DIXDC1: variants seen among roughly 807,000 people sequenced by gnomAD.
The protein encoded by DIXDC1 is DIX domain containing 1.
Under a neutral mutation model 103.1 loss-of-function variants are expected in DIXDC1, and 64 were observed. The observed-to-expected ratio is 0.62, with a 90% CI of 0.51 to 0.76. The LOEUF is 0.76. DIXDC1 is among the 30% of genes least tolerant of loss of function. DIXDC1 has a pLI of 0.00. For missense variants in DIXDC1, 759 were observed against 834.2 expected (o/e 0.91, Z 1.11); for synonymous variants, 266 against 298.5 (o/e 0.89, Z 1.12).
chr11:111,940,817 C>T (rs1305855667), intron 1 of DIXDC1, among the ~76,000 whole-genome samples: 4 of 152,154 alleles, frequency 2.6e-5, no homozygotes, highest in Non-Finnish European at 5.9e-5. Flanking sequence ...TTTCCCTGCT[C>T]GTCTGGTACA....
At chr11:111,994,880 A>G (rs1860837716) in intron 14 of DIXDC1, 139 bp from the exon 15 acceptor site, 1 of 798,426 alleles carries the variant, frequency 1.3e-6, no homozygotes, top group Non-Finnish European at 1.9e-6. Flanking sequence ...TAAGAAAGAT[A>G]CATTCTAATA....
At chr11:111,961,906 C>G (rs1039896161) in intron 1 of DIXDC1, among the ~76,000 whole-genome samples, 2 of 152,230 alleles carry the variant, frequency 1.3e-5, no homozygotes, top group Non-Finnish European at 2.9e-5. Context: ...CCTTTGAGCT[C>G]ACTGTCCTCT....
chr11:112,013,321 T>TGGGGGGGGGGGGGGGGGGGGG (rs1403269609), intron 17 of DIXDC1, among the ~76,000 whole-genome samples: 15 of 35,698 alleles, frequency 4.2e-4, no homozygotes, highest in African/African-American at 7.8e-4. Flanking sequence ...GGTCGGGGGG[T>TGGGGGGGGGGGGGGGGGGGGG]GGGGGTGGGG....
At chr11:111,948,278 C>T (rs1486321120) in intron 1 of DIXDC1, among the ~76,000 whole-genome samples, 2 of 152,220 alleles carry the variant, frequency 1.3e-5, no homozygotes, top group Non-Finnish European at 2.9e-5. Flanking sequence ...CCAGTTTTCA[C>T]GGTCCTACAT....
At position 112,020,317 on chromosome 11, in the gene DIXDC1, G is replaced by A. The variant is rs1861719002; in HGVS notation, c.*1281G>A. On this transcript the variant is annotated 3_prime_UTR_variant, in exon 20 of 20. Transcript: ENST00000440460. The stretch of plus-strand genomic sequence containing the variant: ...CTGCCTGTGACCTCCAATGTACACT[G>A]CCAAACACAAGAGTAGGACACATCT... 1 of 152,606 alleles carries A rather than the reference G, an allele frequency of 6.6e-6. No homozygotes were observed. The highest frequency in any genetic ancestry group is 1.5e-5 in the Non-Finnish European group (1 of 68,042). 9.5% of individuals were successfully genotyped at this position (152,606 alleles called of 1,614,324 possible).
intron 14 of DIXDC1, 121 bp from the exon 15 acceptor site, chr11:111,994,898 C>T (rs1246589838): frequency 1.1e-6 from 1 of 913,278 alleles, no homozygotes; most frequent in Non-Finnish European, 1.7e-6. Context: ...ATAAAGAGAG[C>T]CATTAAACAG....
intron 17 of DIXDC1, among the ~76,000 whole-genome samples, chr11:112,007,859 A>C (rs1311011930): frequency 2.6e-5 from 4 of 151,958 alleles, no homozygotes; most frequent in Admixed American, 2.6e-4. Context: ...AAACATGCCA[A>C]ATTGTCAAGA....
At chr11:111,994,545 A>G (rs1328935855) in intron 14 of DIXDC1, among the ~76,000 whole-genome samples, 2 of 151,254 alleles carry the variant, frequency 1.3e-5, no homozygotes, top group Non-Finnish European at 2.9e-5. Context: ...GTGTATATGT[A>G]TATGTATGTA....
chr11:111,985,294 A>T lies in DIXDC1; in HGVS notation c.981A>T (p.Glu327Asp). The change falls in exon 8 of 20, where the codon GAA becomes GAT. Residue 327 changes from glutamate (E) to aspartate (D), a missense_variant. Glu to Asp is a conservative substitution (Grantham distance 45). Around this residue, in one of 3 missense-constraint regions of DIXDC1, gnomAD observed 657 missense variants for 727.5 expected, o/e 0.90. Coordinates refer to ENST00000440460, the MANE Select transcript of DIXDC1 (RefSeq NM_001037954.4). ...AGGAGAGGCCCTTGGCCCTCTGTGA[A>T]CCAGGTGTCAATCCCGAGGAACAAC... Reference protein sequence around the residue: ...DEQERPLALCEPGVNPEEQLI... With the variant: ...DEQERPLALCDPGVNPEEQLI... 6.2e-7 allele frequency: 1 copy of T among 1,613,376 alleles called. No individual in the cohort carries two copies. Among genetic ancestry groups the T allele is most frequent in the Non-Finnish European group, 8.5e-7 (1 of 1,179,706 alleles).
chr11:111,944,368 C>T (rs782330175), intron 1 of DIXDC1, among the ~76,000 whole-genome samples: 3 of 152,212 alleles, frequency 2.0e-5, no homozygotes, highest in Non-Finnish European at 4.4e-5. Context: ...ATACCACATA[C>T]TTCCCTGGTG....
Position 112,016,675 on chromosome 11 carries a change from CTCTT to C in DIXDC1, c.1757-12_1757-9del, listed in dbSNP as rs1861599873. The C allele has an allele frequency of 6.3e-7, 1 of 1,575,816 alleles. No individual in the cohort carries two copies. Among genetic ancestry groups the C allele is most frequent in the African/African-American group, 1.4e-5 (1 of 73,472 alleles). ...AGCAAATGAATGTTCTAACCACAGTCTCTTTCTGATTGTAGAGTTGCCTCACTCA... is the reference window on the plus strand; with the variant it reads ...AGCAAATGAATGTTCTAACCACAGTCTCTGATTGTAGAGTTGCCTCACTCA... On this transcript the variant is annotated splice_polypyrimidine_tract_variant and intron_variant, in intron 17 of 19. Transcript: ENST00000440460.
At chr11:111,951,444 A>G (rs1171182216) in intron 1 of DIXDC1, among the ~76,000 whole-genome samples, 1 of 152,222 alleles carries the variant, frequency 6.6e-6, no homozygotes, top group Non-Finnish European at 1.5e-5. Flanking sequence ...TAAAAAAAGA[A>G]AATGAAGACT....
At chr11:112,014,506 AG>A (rs1296714191) in intron 17 of DIXDC1, among the ~76,000 whole-genome samples, 2 of 152,182 alleles carry the variant, frequency 1.3e-5, no homozygotes, top group Non-Finnish European at 2.9e-5. Context: ...GATTTTTAAA[AG>A]GTGCTTTTAA....
At chr11:111,981,265 G>C (rs782240623) in intron 6 of DIXDC1, among the ~76,000 whole-genome samples, 11 of 152,148 alleles carry the variant, frequency 7.2e-5, no homozygotes, top group Non-Finnish European at 1.6e-4. Context: ...ATAGAGAGCA[G>C]GTCTATATCA....
At chr11:112,000,628 C>T (rs1420557490) in intron 17 of DIXDC1, among the ~76,000 whole-genome samples, 3 of 149,080 alleles carry the variant, frequency 2.0e-5, no homozygotes, top group South Asian at 2.2e-4. Context: ...ATCTGGGAGG[C>T]GGAGGTTGCA....
At chr11:111,990,011 C>G (rs1320517880) in intron 10 of DIXDC1, among the ~76,000 whole-genome samples, 60 of 150,986 alleles carry the variant, frequency 4.0e-4, no homozygotes, top group African/African-American at 1.4e-3. Context: ...AGGATGGTCT[C>G]CATCTCCTGA....
rs1861712976 is a variant in DIXDC1, at chr11:112,020,158, A to G, written c.*1122A>G. The G allele has an allele frequency of 6.6e-6, 1 of 152,562 alleles. No individual in the cohort carries two copies. The highest frequency in any genetic ancestry group is 1.5e-5 in the Non-Finnish European group (1 of 68,044). The allele number at this position is 152,562 out of a possible 1,614,324, so 9.5% of individuals were successfully genotyped here. On this transcript the variant is annotated 3_prime_UTR_variant, in exon 20 of 20. Coordinates refer to ENST00000440460, the MANE Select transcript of DIXDC1 (RefSeq NM_001037954.4). ...AACCTAGAATCATTTCTGATGTGCA[A>G]CATTGTCAAGTGAAGAAGCTAACAG... is the stretch of plus-strand genomic sequence containing the variant.
At chr11:112,011,618 CA>C (rs1861423176) in intron 17 of DIXDC1, among the ~76,000 whole-genome samples, 1 of 152,144 alleles carries the variant, frequency 6.6e-6, no homozygotes, top group Admixed American at 6.5e-5. Flanking sequence ...GAATACTATG[CA>C]GCCATAAAAA....
chr11:112,015,694 C>G (rs1006763936), intron 17 of DIXDC1, among the ~76,000 whole-genome samples: 1 of 149,368 alleles, frequency 6.7e-6, no homozygotes. Context: ...CCCAGCTACT[C>G]GGGAGGCTGA....
Sources: allele counts gnomAD v4.1 joint callset (sites outside exome capture counted in the v4.1 genomes callset), GRCh38; gene constraint gnomAD v4.1.1; regional missense constraint gnomAD v4.1.1; transcripts MANE v1.5; gene names NCBI Gene and HGNC (gene_info 2026-07-23, HGNC 2026-07-21).